Variants in TMCO5A observed in about 807,000 individuals in gnomAD.
TMCO5A encodes transmembrane and coiled-coil domain-containing protein 5A.
A neutral mutation model predicts 42.3 loss-of-function variants in TMCO5A; 34 were observed. The ratio of observed to expected loss-of-function variants is 0.80; its 90% CI spans 0.61 to 1.07. TMCO5A has a LOEUF of 1.07. Among genes scored for constraint, TMCO5A ranks in the 50% least tolerant of loss-of-function variants. The pLI is 0.00. For missense variants in TMCO5A, 357 were observed against 327.9 expected (o/e 1.09, Z -0.69); for synonymous variants, 131 against 115.6 (o/e 1.13, Z -0.86).
At chr15:37,989,925 C>G in the TMCO5A span, among the ~76,000 whole-genome samples, 5 of 152,012 alleles carry the variant, frequency 3.3e-5, no homozygotes, top group Admixed American at 2.6e-4. Context: ...CCCAAAAGCC[C>G]CACTTCTCAA....
the TMCO5A span, among the ~76,000 whole-genome samples, chr15:38,007,800 C>A: frequency 1.3e-4 from 19 of 146,274 alleles, no homozygotes; most frequent in Non-Finnish European, 1.9e-4. Flanking sequence ...GGTGGGGAGG[C>A]CTAGGCATTT....
chr15:37,972,638 T>C (rs1395068030), downstream of TMCO5A, among the ~76,000 whole-genome samples: 4 of 152,220 alleles, frequency 2.6e-5, no homozygotes, highest in African/African-American at 9.6e-5. Context: ...GGTTGTTTTT[T>C]TCTTGTAAAT....
chr15:37,972,617 C>T (rs1250956270), downstream of TMCO5A, among the ~76,000 whole-genome samples: 1 of 152,042 alleles, frequency 6.6e-6, no homozygotes, highest in Non-Finnish European at 1.5e-5. Flanking sequence ...TCTTTGTTCA[C>T]GTTTTAATGG....
At chr15:37,987,678 T>C in the TMCO5A span, among the ~76,000 whole-genome samples, 1 of 152,044 alleles carries the variant, frequency 6.6e-6, no homozygotes, top group Admixed American at 6.6e-5. Context: ...TGACTATATA[T>C]GTGAGGATTT....
chr15:37,968,333 G>T (rs1890604795), downstream of TMCO5A, among the ~76,000 whole-genome samples: 1 of 152,134 alleles, frequency 6.6e-6, no homozygotes, highest in African/African-American at 2.4e-5. Flanking sequence ...GAGGTCAGAA[G>T]TCTTACCTTC....
chr15:37,943,243 C>G (rs1889816310), intron 9 of TMCO5A, 98 bp from the exon 10 acceptor site: 2 of 1,131,258 alleles, frequency 1.8e-6, no homozygotes, highest in African/African-American at 1.6e-5. Flanking sequence ...TTGGACAGTA[C>G]AGATTTAGAA....
the TMCO5A span, among the ~76,000 whole-genome samples, chr15:38,006,000 A>C: frequency 3.9e-5 from 6 of 152,222 alleles, no homozygotes; most frequent in African/African-American, 1.4e-4. Context: ...ACAGAATGAT[A>C]AATTATTTGC....
the TMCO5A span, among the ~76,000 whole-genome samples, chr15:37,995,776 A>G: frequency 6.6e-6 from 1 of 152,134 alleles, no homozygotes; most frequent in Admixed American, 6.5e-5. Flanking sequence ...AGATATAAGA[A>G]ATAGATGAGA....
chr15:37,983,727 T>TTGTTTG, the TMCO5A span, among the ~76,000 whole-genome samples: 1 of 150,266 alleles, frequency 6.7e-6, no homozygotes, highest in African/African-American at 2.5e-5. Context: ...CTGTTTTTTT[T>TTGTTTG]TTTGTTTTTT....
At chr15:37,942,119 G>C in intron 8 of TMCO5A, 72 bp from the exon 9 acceptor site, 3 of 1,393,218 alleles carry the variant, frequency 2.2e-6, no homozygotes, top group Non-Finnish European at 3.0e-6. Context: ...GTAATAACAA[G>C]TGCTTATTAT....
intron 4 of TMCO5A, 74 bp downstream of exon 4, chr15:37,937,044 G>A: frequency 1.3e-6 from 2 of 1,581,610 alleles, no homozygotes; most frequent in Non-Finnish European, 8.6e-7. Context: ...TATCAGATAA[G>A]CTTGTCTCTC....
chr15:37,938,074 C>G (rs1309257463), intron 5 of TMCO5A, 84 bp from the exon 6 acceptor site: 4 of 1,150,094 alleles, frequency 3.5e-6, no homozygotes, highest in Non-Finnish European at 5.0e-6. Flanking sequence ...TTATAAAGGC[C>G]ATAGTTACTA....
chr15:37,983,636 T>C, the TMCO5A span, among the ~76,000 whole-genome samples: 1 of 152,160 alleles, frequency 6.6e-6, no homozygotes, highest in Non-Finnish European at 1.5e-5. Context: ...TACCATGAGG[T>C]ACTTTCCCAA....
intron 11 of TMCO5A, among the ~76,000 whole-genome samples, chr15:37,949,715 A>G (rs558836354): frequency 6.6e-6 from 1 of 152,132 alleles, no homozygotes; most frequent in Admixed American, 6.6e-5. Context: ...TGCTAAAAAA[A>G]AAAAATAAAA....
the TMCO5A span, among the ~76,000 whole-genome samples, chr15:38,011,522 C>T: frequency 6.6e-6 from 1 of 152,180 alleles, no homozygotes; most frequent in East Asian, 1.9e-4. Context: ...GGTCTAAGGA[C>T]ATTAACTATC....
In TMCO5A at chr15:37,941,685, T is replaced by C. The variant is rs759410074; in HGVS notation, c.459T>C (p.Tyr153=). The part of the protein sequence containing the change: ...EKELLKVMKE[Y]AFVTQLCEDQ... ...TGATTTCCTAGGTAATGAAGGAGTA[T>C]GCATTTGTGACCCAGCTCTGTGAAG... The change falls in exon 8 of 12, where the codon TAT becomes TAC. Residue 153 remains tyrosine (Y), a synonymous_variant. Transcript: ENST00000319669. 1 of 1,611,094 alleles carries C rather than the reference T, an allele frequency of 6.2e-7. No individual in the cohort carries two copies. Among genetic ancestry groups the C allele is most frequent in the Non-Finnish European group, 8.5e-7 (1 of 1,177,694 alleles).
the TMCO5A span, among the ~76,000 whole-genome samples, chr15:37,980,971 T>C: frequency 1.3e-5 from 2 of 152,184 alleles, no homozygotes. Context: ...TATTCATCAC[T>C]CTATTTTCTC....
chr15:37,985,593 A>G, the TMCO5A span, among the ~76,000 whole-genome samples: 53 of 152,324 alleles, frequency 3.5e-4, no homozygotes, highest in Admixed American at 3.3e-3. Flanking sequence ...TTAGAAAATA[A>G]TCAGTTAAAT....
chr15:38,002,882 A>G, the TMCO5A span, among the ~76,000 whole-genome samples: 1 of 152,020 alleles, frequency 6.6e-6, no homozygotes, highest in Admixed American at 6.6e-5. Flanking sequence ...CATTTGGTGA[A>G]GCCATTTTCT....
Sources: gnomAD v4.1 joint callset for allele counts (sites outside exome capture counted in the v4.1 genomes callset) on GRCh38, gnomAD v4.1.1 for gene constraint, MANE v1.5 for transcripts, NCBI Gene and HGNC (gene_info 2026-07-23, HGNC 2026-07-21) for gene names.